The following AGBL1 variants were observed in gnomAD, a reference collection of about 807,000 sequenced individuals.
AGBL1 encodes the protein AGBL carboxypeptidase 1.
A neutral mutation model predicts 118.9 loss-of-function variants in AGBL1; 130 were observed. The observed-to-expected ratio is 1.09, with a 90% CI of 0.95 to 1.26. The LOEUF is 1.26. Ranked by LOEUF, AGBL1 falls within the 50% of genes most tolerant of loss-of-function variation. AGBL1 has a pLI of 0.00. For synonymous variants in AGBL1, 555 were observed against 478.9 expected, an observed-to-expected ratio of 1.16 and a Z score of -2.08; for missense variants, 1,584 against 1,298.1, an observed-to-expected ratio of 1.22 and a Z score of -3.38.
Position 86,143,573 on chromosome 15 carries a change from T to A in AGBL1, c.116-126T>A. 4.1e-6 allele frequency: 5 copies of A among 1,209,124 alleles called. No individual in the cohort carries two copies. The South Asian group carries it at 7.6e-5, about 18-fold the overall frequency. The allele number at this position is 1,209,124 out of a possible 1,614,324, so 74.9% of individuals were successfully genotyped here. A position where few individuals can be genotyped will look rare whatever the true frequency, so the allele number is the denominator to read the frequency against. On this transcript the variant is annotated intron_variant, in intron 2 of 22. Coordinates refer to ENST00000614907, the MANE Select transcript of AGBL1 (RefSeq NM_001386094.1). ...CTTTAACACAGGTTGCTTCAAGAAC[T>A]ACATAATTTTACGTAGTTGAAATGA... is the stretch of plus-strand genomic sequence containing the variant.
At chr15:86,158,905 A>G in intron 4 of AGBL1, 28 bp from the exon 5 acceptor site, 3 of 1,604,754 alleles carry the variant, frequency 1.9e-6, no homozygotes, top group Middle Eastern at 1.7e-4. Context: ...ACTTGTGACC[A>G]TAACTACTGT....
intron 21 of AGBL1, among the ~76,000 whole-genome samples, chr15:86,593,800 T>A (rs1311782866): frequency 6.6e-6 from 1 of 152,224 alleles, no homozygotes; most frequent in Non-Finnish European, 1.5e-5. Flanking sequence ...TAATCTTTTG[T>A]TACTGCAGAT....
chr15:86,191,132 T>G (rs1024393839), intron 5 of AGBL1, among the ~76,000 whole-genome samples: 2 of 150,990 alleles, frequency 1.3e-5, no homozygotes, highest in East Asian at 3.9e-4. Flanking sequence ...TCACCTGAGG[T>G]CAGGAGTTTG....
intron 17 of AGBL1, among the ~76,000 whole-genome samples, chr15:86,313,850 G>T (rs1040742485): frequency 1.3e-5 from 2 of 152,182 alleles, no homozygotes; most frequent in African/African-American, 2.4e-5. Flanking sequence ...GTTCAGAGCT[G>T]GTCAGAAGAG....
chr15:86,124,096 G>A (rs566941697), intron 1 of AGBL1, among the ~76,000 whole-genome samples: 22 of 152,174 alleles, frequency 1.4e-4, no homozygotes, highest in South Asian at 6.2e-4. Context: ...TTGGGAGGCC[G>A]AGGCAGGCAG....
At chr15:86,888,486 AGC>A (rs1490898955) in intron 22 of AGBL1, among the ~76,000 whole-genome samples, 3 of 152,168 alleles carry the variant, frequency 2.0e-5, no homozygotes, top group African/African-American at 7.2e-5. Flanking sequence ...GAGGTTTGTT[AGC>A]TAGAATTATA....
At chr15:86,704,116 T>G (rs1455444962) in intron 22 of AGBL1, among the ~76,000 whole-genome samples, 1 of 152,168 alleles carries the variant, frequency 6.6e-6, no homozygotes, top group Admixed American at 6.5e-5. Context: ...GACCCCTTCC[T>G]TAGACCTTAT....
chr15:86,184,352 A>C (rs2077594695), intron 5 of AGBL1, among the ~76,000 whole-genome samples: 1 of 152,096 alleles, frequency 6.6e-6, no homozygotes, highest in Admixed American at 6.5e-5. Flanking sequence ...ATAAGAGTGT[A>C]TATTGGAGGG....
intron 3 of AGBL1, among the ~76,000 whole-genome samples, chr15:86,150,968 G>T (rs1291122529): frequency 2.0e-5 from 3 of 152,118 alleles, no homozygotes; most frequent in Non-Finnish European, 1.5e-5. Flanking sequence ...GGAATACTAT[G>T]CAGCCATAAA....
chr15:86,900,299 G>C (rs917162846), intron 22 of AGBL1, among the ~76,000 whole-genome samples: 1 of 152,002 alleles, frequency 6.6e-6, no homozygotes, highest in African/African-American at 2.4e-5. Context: ...TATCCTATTA[G>C]TTCTGTCCCT....
chr15:86,793,066 A>G (rs1230263846), intron 22 of AGBL1, among the ~76,000 whole-genome samples: 2 of 152,198 alleles, frequency 1.3e-5, no homozygotes, highest in African/African-American at 4.8e-5. Flanking sequence ...TCCTCAAGGT[A>G]CAGAAAGGAG....
In AGBL1 at chr15:86,102,024, C is replaced by T. The variant is rs544858435; in HGVS notation, c.51+22001C>T. ...TTTCTGTCGCAGTAACATTTGAATC[C>T]TTTCTCTCTCTCTCTCTTTTTTTTT... On this transcript the variant is annotated intron_variant, in intron 1 of 22. Coordinates refer to ENST00000614907, the MANE Select transcript of AGBL1 (RefSeq NM_001386094.1). Among the ~76,000 whole-genome samples the T allele has an allele frequency of 6.0e-5, 9 of 150,652 alleles. 1 individual carries two copies. In the South Asian group the frequency reaches 1.9e-3, roughly 32 times the overall value.
At chr15:86,850,134 T>C (rs958154823) in intron 22 of AGBL1, among the ~76,000 whole-genome samples, 1 of 152,178 alleles carries the variant, frequency 6.6e-6, no homozygotes, top group Non-Finnish European at 1.5e-5. Flanking sequence ...TGTTCAGCTG[T>C]TTCCCATGTG....
At chr15:86,752,583 T>C (rs1034295916) in intron 22 of AGBL1, among the ~76,000 whole-genome samples, 1 of 152,062 alleles carries the variant, frequency 6.6e-6, no homozygotes, top group Non-Finnish European at 1.5e-5. Context: ...AACTCAGCCC[T>C]GTTTCTGCTC....
intron 18 of AGBL1, among the ~76,000 whole-genome samples, chr15:86,426,992 C>T (rs901054690): frequency 1.3e-5 from 2 of 152,130 alleles, no homozygotes; most frequent in Non-Finnish European, 2.9e-5. Context: ...TCTTGAACTC[C>T]TGACCTCAGG....
At chr15:86,624,113 CAT>C (rs1464361489) in intron 21 of AGBL1, among the ~76,000 whole-genome samples, 5 of 152,220 alleles carry the variant, frequency 3.3e-5, no homozygotes, top group Non-Finnish European at 5.9e-5. Context: ...GAAGCACACA[CAT>C]GTGTGAATAG....
intron 17 of AGBL1, among the ~76,000 whole-genome samples, chr15:86,300,319 A>G (rs1298085318): frequency 2.6e-5 from 4 of 152,158 alleles, no homozygotes; most frequent in African/African-American, 4.8e-5. Flanking sequence ...TTGGAGAGCT[A>G]TATCTCTGGA....
intron 21 of AGBL1, among the ~76,000 whole-genome samples, chr15:86,599,240 A>G (rs543074045): frequency 2.0e-5 from 3 of 152,214 alleles, no homozygotes; most frequent in African/African-American, 7.2e-5. Flanking sequence ...TTTACCTGCC[A>G]TGAGAATATT....
intron 22 of AGBL1, among the ~76,000 whole-genome samples, chr15:86,758,030 G>A (rs183797964): frequency 6.6e-6 from 1 of 152,146 alleles, no homozygotes; most frequent in East Asian, 1.9e-4. Context: ...AATTATCAGG[G>A]CCTTTGAAGT....
Sources: allele counts gnomAD v4.1 joint callset (sites outside exome capture counted in the v4.1 genomes callset), GRCh38; gene constraint gnomAD v4.1.1; transcripts MANE v1.5; gene names NCBI Gene and HGNC (gene_info 2026-07-23, HGNC 2026-07-21).